GPC3: variants seen among roughly 807,000 people sequenced by gnomAD.
GPC3 encodes glypican 3.
A neutral mutation model predicts 34.4 loss-of-function variants in GPC3; 3 were observed. The ratio of observed to expected loss-of-function variants is 0.09; its 90% CI spans 0.04 to 0.23. The LOEUF (loss-of-function observed/expected upper bound fraction) is 0.23. Among genes scored for constraint, GPC3 ranks in the 10% least tolerant of loss-of-function variants. The pLI, the probability that GPC3 is intolerant of heterozygous loss-of-function variation, is 1.00. For synonymous variants in GPC3, 177 were observed against 174.0 expected (o/e 1.02, Z -0.13); for missense variants, 351 against 445.6 (o/e 0.79, Z 1.91).
chrX:133,905,822 G>A (rs2076165449), intron 2 of GPC3, among the ~76,000 whole-genome samples: 2 of 111,655 alleles, frequency 1.8e-5, no homozygotes, highest in Admixed American at 1.9e-4. Flanking sequence ...ACAAAATGGA[G>A]GGTGGACAAG....
chrX:133,893,085 G>A (rs1324459925), intron 2 of GPC3, among the ~76,000 whole-genome samples: 1 of 110,955 alleles, frequency 9.0e-6, no homozygotes, highest in Non-Finnish European at 1.9e-5. Context: ...GTGAAACCCT[G>A]TCTCTACTAA....
At chrX:133,577,091 C>T (rs1271768338) in intron 7 of GPC3, among the ~76,000 whole-genome samples, 1 of 111,845 alleles carries the variant, frequency 8.9e-6, no homozygotes, top group Non-Finnish European at 1.9e-5. Context: ...TTGACTCTAA[C>T]GTTGAGCTAC....
chrX:133,679,714 G>A (rs773178052), intron 5 of GPC3, among the ~76,000 whole-genome samples: 1 of 110,918 alleles, frequency 9.0e-6, no homozygotes, highest in Non-Finnish European at 1.9e-5. Context: ...GAGTGCAGTG[G>A]TGCGATCATA....
In GPC3 at chrX:133,846,834, T is replaced by C. The variant is rs140460891; in HGVS notation, c.338-92658A>G. Among the ~76,000 whole-genome samples, 604 of 112,223 alleles carry C rather than the reference T, an allele frequency of 5.4e-3. 21 individuals are homozygous for C. The highest frequency in any genetic ancestry group is 0.051 in the Admixed American group (534 of 10,554). ...TAAGATTTGCTACCACAAGCTTTGA[T>C]ATAGTTGTATCAATTGAAACTTCAT... On this transcript the variant is annotated intron_variant, in intron 2 of 7. Transcript: ENST00000370818.
intron 6 of GPC3, among the ~76,000 whole-genome samples, chrX:133,640,076 A>C (rs976915259): frequency 1.3e-4 from 15 of 111,703 alleles, no homozygotes; most frequent in African/African-American, 4.9e-4. Context: ...TATTTGGGGA[A>C]GGCACCTTGG....
chrX:133,738,075 C>T (rs1327449741), intron 3 of GPC3, among the ~76,000 whole-genome samples: 1 of 111,827 alleles, frequency 8.9e-6, no homozygotes, highest in African/African-American at 3.3e-5. Context: ...GCAATCCTCC[C>T]CGCTCAGGCT....
intron 5 of GPC3, among the ~76,000 whole-genome samples, chrX:133,675,538 C>T (rs1334871200): frequency 9.0e-6 from 1 of 111,518 alleles, no homozygotes; most frequent in Non-Finnish European, 1.9e-5. Context: ...TACCTGGCAC[C>T]CAGTACCCAC....
chrX:133,654,863 C>T (rs1177973033), intron 6 of GPC3, among the ~76,000 whole-genome samples: 1 of 111,789 alleles, frequency 8.9e-6, no homozygotes, highest in African/African-American at 3.3e-5. Context: ...TGACAGAATT[C>T]TCTTTTCATA....
In GPC3 at chrX:133,753,470, A is replaced by G; in HGVS notation, c.1032+12T>C. The G allele has an allele frequency of 1.7e-6, 2 of 1,178,078 alleles. No homozygotes were observed. The highest frequency in any genetic ancestry group is 3.5e-5 in the African/African-American group (2 of 57,056). ...GGCCCAAATCCTCTGACAACTGTAG[A>G]CTGGTACTCACAGTGGTGGTCAGCT... On this transcript the variant is annotated intron_variant, in intron 3 of 7. Transcript: ENST00000370818.
intron 2 of GPC3, among the ~76,000 whole-genome samples, chrX:133,777,916 C>G (rs777334362): frequency 8.9e-6 from 1 of 111,974 alleles, no homozygotes; most frequent in Non-Finnish European, 1.9e-5. Context: ...TCATGAGCCC[C>G]GGTCTTTTGT....
At chrX:133,747,432 A>G (rs1398562712) in intron 3 of GPC3, among the ~76,000 whole-genome samples, 1 of 112,096 alleles carries the variant, frequency 8.9e-6, no homozygotes, top group African/African-American at 3.2e-5. Context: ...GGGAAATACT[A>G]GAGCAAAAGT....
At chrX:133,671,709 G>A (rs926896196) in intron 5 of GPC3, among the ~76,000 whole-genome samples, 1 of 111,188 alleles carries the variant, frequency 9.0e-6, no homozygotes, top group Admixed American at 9.6e-5. Context: ...TAAGTGTGCA[G>A]GTTTGTTACA....
intron 6 of GPC3, among the ~76,000 whole-genome samples, chrX:133,657,778 C>A (rs1201541223): frequency 9.1e-6 from 1 of 110,426 alleles, no homozygotes; most frequent in African/African-American, 3.3e-5. Context: ...CAACAGTAAC[C>A]ATAACCTGCA....
At chrX:133,553,509 A>G (rs1300134012) in intron 7 of GPC3, among the ~76,000 whole-genome samples, 1 of 112,243 alleles carries the variant, frequency 8.9e-6, no homozygotes, top group Non-Finnish European at 1.9e-5. Flanking sequence ...CCAGAGGAGG[A>G]CAGGACATAG....
intron 6 of GPC3, among the ~76,000 whole-genome samples, chrX:133,659,017 G>C (rs1015529494): frequency 3.6e-5 from 4 of 112,165 alleles, no homozygotes; most frequent in African/African-American, 1.3e-4. Flanking sequence ...CCTGCCTATA[G>C]AGAAAATCCT....
intron 7 of GPC3, among the ~76,000 whole-genome samples, chrX:133,544,251 A>G (rs925175093): frequency 9.0e-6 from 1 of 111,256 alleles, no homozygotes; most frequent in Non-Finnish European, 1.9e-5. Context: ...ACAAAAAACA[A>G]TCCCAGCACT....
At chrX:133,964,263 C>T (rs2124641411) in intron 1 of GPC3, among the ~76,000 whole-genome samples, 1 of 111,912 alleles carries the variant, frequency 8.9e-6, no homozygotes, top group South Asian at 3.8e-4. Context: ...AAAAGGAAGG[C>T]TTTTGCTTCA....
chrX:133,583,947 T>C lies in GPC3; in HGVS notation c.1573+12493A>G, dbSNP rs751169487. 1.2e-4 allele frequency among the ~76,000 whole-genome samples: 13 copies of C among 111,893 alleles called. No individual in the cohort carries two copies. In the South Asian group the frequency reaches 4.6e-3, roughly 39 times the overall value. On this transcript the variant is annotated intron_variant, in intron 7 of 7. Transcript: ENST00000370818. ...TTTCACCATCCTCCCACTGTCCCTGTGTGCAGAATCTTCCCCATCTGTCTG... is the reference window on the plus strand; with the variant it reads ...TTTCACCATCCTCCCACTGTCCCTGCGTGCAGAATCTTCCCCATCTGTCTG...
intron 6 of GPC3, among the ~76,000 whole-genome samples, chrX:133,628,573 T>C (rs1432023176): frequency 9.1e-6 from 1 of 109,421 alleles, no homozygotes; most frequent in Non-Finnish European, 1.9e-5. Flanking sequence ...GGAGAATCAC[T>C]TGAACCCGGG....
Sources: gnomAD v4.1 joint callset for allele counts (sites outside exome capture counted in the v4.1 genomes callset) on GRCh38, gnomAD v4.1.1 for gene constraint, MANE v1.5 for transcripts, NCBI Gene and HGNC (gene_info 2026-07-23, HGNC 2026-07-21) for gene names.